PLPBP: variants seen among roughly 807,000 people sequenced by gnomAD.
The protein encoded by PLPBP is pyridoxal phosphate binding protein, also known as pyridoxal phosphate homeostasis protein.
PLPBP carries 21 observed loss-of-function variants against 31.2 expected under a neutral mutation model. The observed-to-expected ratio is 0.67, with a 90% CI of 0.48 to 0.97. PLPBP has a LOEUF of 0.97. Ranked by LOEUF, PLPBP falls within the 50% of genes least tolerant of loss-of-function variation. The pLI, the probability that PLPBP is intolerant of heterozygous loss-of-function variation, is 0.00. For synonymous variants in PLPBP, 124 were observed against 135.6 expected, an observed-to-expected ratio of 0.91 and a Z score of 0.59; for missense variants, 308 against 354.4, an observed-to-expected ratio of 0.87 and a Z score of 1.05.
upstream of PLPBP, chr8:37,762,549 G>C (rs1057411446): frequency 6.8e-7 from 1 of 1,460,262 alleles, no homozygotes; most frequent in Non-Finnish European, 9.0e-7. Flanking sequence ...TGGGTGAGAC[G>C]ACTCAATGAT....
At chr8:37,772,370 T>C (rs1303436057) in intron 4 of PLPBP, among the ~76,000 whole-genome samples, 1 of 152,208 alleles carries the variant, frequency 6.6e-6, no homozygotes, top group East Asian at 1.9e-4. Flanking sequence ...GGTGATATGC[T>C]AGGGAAGCAT....
chr8:37,773,625 C>T lies in PLPBP; in HGVS notation c.454+736C>T, dbSNP rs771440615. On this transcript the variant is annotated intron_variant, in intron 5 of 7. Transcript: ENST00000328195. ...CTGGGATTACAGGCACGCGCTACCA[C>T]GCCCAGCTAATATTTGTATTTTTAG... is the stretch of plus-strand genomic sequence containing the variant. Among the ~76,000 whole-genome samples, 30 of 152,190 alleles carry T rather than the reference C, an allele frequency of 2.0e-4. No individual in the cohort carries two copies. The South Asian group carries it at 2.1e-3, about 11-fold the overall frequency.
chr8:37,764,088 TGTTG>T (rs1803556692), intron 1 of PLPBP, among the ~76,000 whole-genome samples: 6 of 147,430 alleles, frequency 4.1e-5, no homozygotes, highest in East Asian at 1.9e-4. Context: ...TTTTTTTTTT[TGTTG>T]TGTTGTTTTG....
Position 37,765,624 on chromosome 8 carries a change from C to T in PLPBP, c.198C>T (p.Gly66=), listed in dbSNP as rs774507209. 7.4e-6 allele frequency: 12 copies of T among 1,614,034 alleles called. No individual in the cohort carries two copies. Among genetic ancestry groups the T allele is most frequent in the African/African-American group, 2.7e-5 (2 of 74,912 alleles). ...ATGGACATGGGCAGCGCACTTTTGGCGAGAACTACGTAAGAGCCCTTTCCT... is the reference window on the plus strand; with the variant it reads ...ATGGACATGGGCAGCGCACTTTTGGTGAGAACTACGTAAGAGCCCTTTCCT... The part of the protein sequence containing the change: ...EAYGHGQRTF[G]ENYVQELLEK... Residue 66 remains glycine, a synonymous_variant, in exon 2 of 8, where the codon GGC becomes GGT. Coordinates refer to ENST00000328195, the MANE Select transcript of PLPBP (RefSeq NM_007198.4).
chr8:37,776,490 A>AC (rs1444195160), intron 7 of PLPBP, among the ~76,000 whole-genome samples: 2 of 150,304 alleles, frequency 1.3e-5, no homozygotes, highest in African/African-American at 4.9e-5. Flanking sequence ...AAAAAAAAAA[A>AC]AAAAAAAAAA....
At chr8:37,775,887 G>T in intron 6 of PLPBP, 31 bp from the exon 7 acceptor site, 2 of 1,559,144 alleles carry the variant, frequency 1.3e-6, no homozygotes, top group South Asian at 1.1e-5. Flanking sequence ...GAGAAGGCAG[G>T]AGTAAAATAG....
At chr8:37,774,029 G>A (rs1158026598) in intron 5 of PLPBP, among the ~76,000 whole-genome samples, 1 of 151,916 alleles carries the variant, frequency 6.6e-6, no homozygotes, top group Non-Finnish European at 1.5e-5. Flanking sequence ...TAGCCAACAT[G>A]ATGAAACTTC....
chr8:37,768,460 A>ATTTTGTTTTTTTTTTTTTTTTTTTTT (rs1803690161), intron 4 of PLPBP, among the ~76,000 whole-genome samples: 1 of 101,142 alleles, frequency 9.9e-6, no homozygotes, highest in African/African-American at 3.7e-5. Flanking sequence ...TACAGTTTTG[A>ATTTTGTTTTTTTTTTTTTTTTTTTTT]TTTTCTTTTT....
In PLPBP at chr8:37,766,374, T is replaced by G. The variant is rs754266288; in HGVS notation, c.319+19T>G. 1.3e-6 allele frequency: 2 copies of G among 1,590,986 alleles called. No individual in the cohort carries two copies. The highest frequency in any genetic ancestry group is 2.2e-5 in the South Asian group (2 of 89,476). Reference sequence around the variant, plus strand: ...TTGATGGGTAAGATAAAATTAAATATGAAAACAAAATTGTTCTGTCATTGT... The same window carrying G: ...TTGATGGGTAAGATAAAATTAAATAGGAAAACAAAATTGTTCTGTCATTGT... On this transcript the variant is annotated intron_variant, in intron 4 of 7. Coordinates refer to ENST00000328195, the MANE Select transcript of PLPBP (RefSeq NM_007198.4).
chr8:37,767,939 A>T (rs541647404), intron 4 of PLPBP, among the ~76,000 whole-genome samples: 6,692 of 150,692 alleles, frequency 0.044, 513 homozygotes, highest in African/African-American at 0.15. Context: ...CCGAGTAGCT[A>T]GGATTACAGG....
At position 37,762,868 on chromosome 8, in the gene PLPBP, A is replaced by T. The variant is rs1803516796; in HGVS notation, c.99+110A>T. ...CAGAGGGGTCTCCCAGAGAGGCGGG[A>T]CTGGTCGGCCGCCTAGGGCCACCGA... On this transcript the variant is annotated intron_variant, in intron 1 of 7. Transcript: ENST00000328195. The T allele has an allele frequency of 2.2e-6, 3 of 1,377,906 alleles. No individual in the cohort carries two copies. In the Admixed American group the frequency reaches 7.1e-5, roughly 32 times the overall value. The allele number at this position is 1,377,906 out of a possible 1,614,324, so 85.4% of individuals were successfully genotyped here. A position where few individuals can be genotyped will look rare whatever the true frequency, so the allele number is the denominator to read the frequency against.
At chr8:37,769,501 G>A (rs1803718382) in intron 4 of PLPBP, among the ~76,000 whole-genome samples, 1 of 150,884 alleles carries the variant, frequency 6.6e-6, no homozygotes, top group Non-Finnish European at 1.5e-5. Context: ...TACATAAAGA[G>A]CTACAAATCT....
chr8:37,770,251 A>G (rs1803734843), intron 4 of PLPBP, among the ~76,000 whole-genome samples: 1 of 152,242 alleles, frequency 6.6e-6, no homozygotes, highest in South Asian at 2.1e-4. Flanking sequence ...CTGTAGAGCT[A>G]TAGTAACCAA....
rs772978614 is a variant in PLPBP, at chr8:37,775,388, A to G, written c.504A>G (p.Ile168Met). Residue 168 changes from isoleucine (I) to methionine (M), a missense_variant, in exon 6 of 8, where the codon ATA becomes ATG. By Grantham distance (10) the Ile-to-Met change is conservative. Transcript: ENST00000328195. ...PSETIAIVEH[I>M]NAKCPNLEFV... is the part of the protein sequence containing the mutation. ...AGACCATAGCCATCGTGGAGCACAT[A>G]AACGCCAAGTGTCCTAACCTGGAGT... is the stretch of plus-strand genomic sequence containing the variant. The G allele has an allele frequency of 2.5e-6, 4 of 1,614,228 alleles. No individual in the cohort carries two copies. The Admixed American group carries it at 6.7e-5, about 27-fold the overall frequency.
Position 37,762,742 on chromosome 8 carries a change from TG to T in PLPBP, c.85del (p.Ala29ArgfsTer14). 6.4e-7 allele frequency: 1 copy of T among 1,573,842 alleles called. No homozygotes were observed. The highest frequency in any genetic ancestry group is 1.8e-5 in the Admixed American group (1 of 54,494). The part of the protein sequence containing the change: ...RAVNERVQQA[V>X]ARRPRDLPAI... ...GTGAACGAGCGCGTGCAGCAGGCTG[TG>T]GCGCGGCGGCCGCGGGTGAGGAAGG... On this transcript the variant is annotated frameshift_variant, in exon 1 of 8. Transcript: ENST00000328195. LOFTEE classifies it high-confidence loss of function.
intron 1 of PLPBP, among the ~76,000 whole-genome samples, chr8:37,764,531 G>T (rs1803573082): frequency 6.6e-6 from 1 of 152,190 alleles, no homozygotes; most frequent in Non-Finnish European, 1.5e-5. Flanking sequence ...CTTTTGGCCA[G>T]GCTGGTCTCG....
intron 7 of PLPBP, among the ~76,000 whole-genome samples, chr8:37,776,509 G>GAAAAGA (rs1803918623): frequency 8.6e-6 from 1 of 116,616 alleles, no homozygotes; most frequent in African/African-American, 3.2e-5. Flanking sequence ...AAAAACAAAA[G>GAAAAGA]AAAGAAAAGA....
At chr8:37,765,376 A>G in intron 1 of PLPBP, 150 bp from the exon 2 acceptor site, 1 of 703,896 alleles carries the variant, frequency 1.4e-6, no homozygotes, top group Non-Finnish European at 2.5e-6. Context: ...CCACTATTTG[A>G]TATTGATCTG....
chr8:37,765,796 A>C (rs754453793), intron 3 of PLPBP, 50 bp downstream of exon 3: 1 of 1,593,866 alleles, frequency 6.3e-7, no homozygotes. Context: ...TTGGCTCTTT[A>C]GTTGAAAATT....
Sources: gnomAD v4.1 joint callset for allele counts (sites outside exome capture counted in the v4.1 genomes callset) on GRCh38, gnomAD v4.1.1 for gene constraint, MANE v1.5 for transcripts, NCBI Gene and HGNC (gene_info 2026-07-23, HGNC 2026-07-21) for gene names.